The following ANKIB1 variants were observed in gnomAD, a reference collection of about 807,000 sequenced individuals.
The protein encoded by ANKIB1 is ankyrin repeat and IBR domain-containing protein 1.
A neutral mutation model predicts 122.1 loss-of-function variants in ANKIB1; 43 were observed. The observed-to-expected ratio is 0.35, with a 90% CI of 0.28 to 0.45. ANKIB1 has a LOEUF of 0.45. ANKIB1 is among the 20% of genes least tolerant of loss of function. The pLI is 1.00. For missense variants in ANKIB1, 992 were observed against 1,329.5 expected, an observed-to-expected ratio of 0.75 and a Z score of 3.95; for synonymous variants, 390 against 442.0, an observed-to-expected ratio of 0.88 and a Z score of 1.48.
intron 2 of ANKIB1, among the ~76,000 whole-genome samples, chr7:92,300,005 G>T (rs185772642): frequency 6.6e-6 from 1 of 151,820 alleles, no homozygotes; most frequent in African/African-American, 2.4e-5. Flanking sequence ...ATGGGATTTC[G>T]CCATGTTGGC....
intron 15 of ANKIB1, among the ~76,000 whole-genome samples, chr7:92,390,879 A>G (rs1487844631): frequency 1.3e-5 from 2 of 152,222 alleles, no homozygotes; most frequent in African/African-American, 2.4e-5. Context: ...AACAGCTGCT[A>G]TACTCACTAC....
At chr7:92,281,493 A>T (rs1307889244) in intron 1 of ANKIB1, among the ~76,000 whole-genome samples, 2 of 152,218 alleles carry the variant, frequency 1.3e-5, no homozygotes, top group Non-Finnish European at 2.9e-5. Context: ...TTTTCCATAT[A>T]ATAAAGTAGA....
chr7:92,256,500 T>G (rs566607842), intron 1 of ANKIB1, among the ~76,000 whole-genome samples: 1 of 152,314 alleles, frequency 6.6e-6, no homozygotes, highest in South Asian at 2.1e-4. Flanking sequence ...CAGAGGTATG[T>G]AAAACATATA....
At chr7:92,301,278 C>T (rs549195836) in intron 2 of ANKIB1, among the ~76,000 whole-genome samples, 3 of 151,956 alleles carry the variant, frequency 2.0e-5, no homozygotes, top group East Asian at 3.9e-4. Flanking sequence ...TACTGTTTTC[C>T]ATAATGGTTG....
intron 14 of ANKIB1, among the ~76,000 whole-genome samples, chr7:92,389,742 G>A (rs1804744373): frequency 6.6e-6 from 1 of 152,008 alleles, no homozygotes. Flanking sequence ...CAGTGTTCCT[G>A]GGCTGCTGGG....
chr7:92,313,586 G>A (rs79488515), intron 3 of ANKIB1, among the ~76,000 whole-genome samples: 2,582 of 152,270 alleles, frequency 0.017, 27 homozygotes, highest in Admixed American at 0.033. Context: ...GTATTGAAGA[G>A]ATAATTTTTT....
At chr7:92,324,299 T>G (rs1802976516) in intron 4 of ANKIB1, among the ~76,000 whole-genome samples, 1 of 152,190 alleles carries the variant, frequency 6.6e-6, no homozygotes, top group African/African-American at 2.4e-5. Context: ...AGTAGTGCGA[T>G]CTCAGCTCAC....
chr7:92,292,823 C>T (rs1370668154), intron 1 of ANKIB1, among the ~76,000 whole-genome samples: 1 of 152,062 alleles, frequency 6.6e-6, no homozygotes, highest in Non-Finnish European at 1.5e-5. Context: ...ACACATACAC[C>T]TTTAAATAGG....
At chr7:92,255,798 G>A (rs954815063) in intron 1 of ANKIB1, among the ~76,000 whole-genome samples, 20 of 152,060 alleles carry the variant, frequency 1.3e-4, no homozygotes, top group African/African-American at 4.1e-4. Flanking sequence ...ATACGCAAAC[G>A]GAAATAAACA....
intron 1 of ANKIB1, among the ~76,000 whole-genome samples, chr7:92,256,294 G>A (rs917257608): frequency 1.3e-5 from 2 of 152,100 alleles, no homozygotes; most frequent in Admixed American, 6.5e-5. Flanking sequence ...CCTTAAGAAG[G>A]TTTTAAAATG....
chr7:92,265,882 A>G (rs1232285819), intron 1 of ANKIB1, among the ~76,000 whole-genome samples: 1 of 152,248 alleles, frequency 6.6e-6, no homozygotes, highest in African/African-American at 2.4e-5. Context: ...TCAAGTAGGC[A>G]CTGTTACAGG....
chr7:92,379,935 G>C (rs1804472926), intron 11 of ANKIB1, among the ~76,000 whole-genome samples: 1 of 152,296 alleles, frequency 6.6e-6, no homozygotes, highest in African/African-American at 2.4e-5. Context: ...CCGAAGCAGG[G>C]CAGGGCATCA....
intron 10 of ANKIB1, among the ~76,000 whole-genome samples, chr7:92,365,956 C>T (rs1160689144): frequency 3.3e-5 from 5 of 151,262 alleles, no homozygotes; most frequent in Admixed American, 6.6e-5. Flanking sequence ...CCACCATGCC[C>T]GGCTAATTTT....
intron 15 of ANKIB1, among the ~76,000 whole-genome samples, chr7:92,390,915 T>C (rs994730335): frequency 6.6e-6 from 1 of 152,198 alleles, no homozygotes; most frequent in Non-Finnish European, 1.5e-5. Flanking sequence ...ACCAATTTCA[T>C]TTCTATAAAT....
intron 9 of ANKIB1, among the ~76,000 whole-genome samples, chr7:92,353,055 A>C (rs1270999551): frequency 6.6e-6 from 1 of 152,204 alleles, no homozygotes; most frequent in Non-Finnish European, 1.5e-5. Flanking sequence ...TTAGAGTTTA[A>C]CGTTTCATTA....
At chr7:92,274,486 A>G (rs1002449503) in intron 1 of ANKIB1, among the ~76,000 whole-genome samples, 7 of 152,180 alleles carry the variant, frequency 4.6e-5, no homozygotes, top group Non-Finnish European at 5.9e-5. Context: ...AGGAAATTGC[A>G]TTTTAGATGC....
intron 2 of ANKIB1, among the ~76,000 whole-genome samples, chr7:92,303,296 A>G (rs1291210085): frequency 1.3e-5 from 2 of 152,228 alleles, no homozygotes; most frequent in African/African-American, 2.4e-5. Context: ...TTTGAAATCT[A>G]AATGCTCAAA....
chr7:92,361,669 A>AT (rs1000312229), intron 9 of ANKIB1, among the ~76,000 whole-genome samples: 18 of 128,794 alleles, frequency 1.4e-4, no homozygotes, highest in Admixed American at 2.1e-4. Flanking sequence ...GAATGTACTG[A>AT]TTTTTTTTTT....
intron 1 of ANKIB1, among the ~76,000 whole-genome samples, chr7:92,283,778 CATTTTATTTT>C (rs1182952698): frequency 6.6e-6 from 1 of 151,996 alleles, no homozygotes; most frequent in Non-Finnish European, 1.5e-5. Context: ...ATTTTTATTT[CATTTTATTTT>C]GAGACTGGGT....
Sources: gnomAD v4.1 joint callset for allele counts (sites outside exome capture counted in the v4.1 genomes callset) on GRCh38, gnomAD v4.1.1 for gene constraint, MANE v1.5 for transcripts, NCBI Gene and HGNC (gene_info 2026-07-23, HGNC 2026-07-21) for gene names.